Variants in BCL7A observed in about 807,000 individuals in gnomAD.
BCL7A encodes B-cell CLL/lymphoma 7 protein family member A.
In BCL7A, 11 loss-of-function variants were observed where a neutral mutation model predicts 28.4. That is an observed-to-expected ratio of 0.39 (90% CI 0.24 to 0.64). The LOEUF (loss-of-function observed/expected upper bound fraction) is 0.64. BCL7A is among the 30% of genes least tolerant of loss of function. The pLI, the probability that BCL7A is intolerant of heterozygous loss-of-function variation, is 0.50. For missense variants in BCL7A, 222 were observed against 274.8 expected, an observed-to-expected ratio of 0.81 and a Z score of 1.36; for synonymous variants, 123 against 103.3, an observed-to-expected ratio of 1.19 and a Z score of -1.15.
rs894215728 is a variant in BCL7A at position 122,043,880 on chromosome 12, C to G, written c.272-6C>G. Reference sequence around the variant, plus strand: ...CATCCTGTGGTTCTGTTCCCACCCCCTACAGACGATAACAGCAACCAGAGC... The same window carrying G: ...CATCCTGTGGTTCTGTTCCCACCCCGTACAGACGATAACAGCAACCAGAGC... On this transcript the variant is annotated splice_polypyrimidine_tract_variant and splice_region_variant and intron_variant, in intron 3 of 5. Transcript: ENST00000261822. 2.5e-6 allele frequency: 4 copies of G among 1,610,564 alleles called. No individual in the cohort carries two copies. Among genetic ancestry groups the G allele is most frequent in the Middle Eastern group, 1.7e-4 (1 of 6,050 alleles).
At chr12:122,036,197 T>A (rs1453943134) in intron 3 of BCL7A, among the ~76,000 whole-genome samples, 1 of 152,084 alleles carries the variant, frequency 6.6e-6, no homozygotes, top group Non-Finnish European at 1.5e-5. Context: ...GAACTGCCCT[T>A]CCACGTCTAC....
intron 5 of BCL7A, 114 bp downstream of exon 5, chr12:122,055,040 C>A: frequency 6.3e-7 from 1 of 1,583,354 alleles, no homozygotes; most frequent in Non-Finnish European, 8.6e-7. Flanking sequence ...GTCGTTGGAC[C>A]ATTGGAACTG....
chr12:122,022,486 G>C (rs1883486886), intron 1 of BCL7A, among the ~76,000 whole-genome samples: 1 of 145,492 alleles, frequency 6.9e-6, no homozygotes, highest in Admixed American at 6.8e-5. Context: ...CCGCCGCGGC[G>C]CTCGGCTCCC....
chr12:122,025,138 G>A (rs1883588765), intron 1 of BCL7A, among the ~76,000 whole-genome samples: 1 of 152,086 alleles, frequency 6.6e-6, no homozygotes. Flanking sequence ...AGGGTTTGGG[G>A]GCCCTGTGCT....
intron 4 of BCL7A, among the ~76,000 whole-genome samples, chr12:122,053,557 T>TA (rs1438705345): frequency 6.6e-6 from 1 of 152,198 alleles, no homozygotes; most frequent in African/African-American, 2.4e-5. Context: ...GTGTGCTTTT[T>TA]AACATCAGGG....
At chr12:122,024,614 G>A (rs866444930) in intron 1 of BCL7A, among the ~76,000 whole-genome samples, 1 of 152,142 alleles carries the variant, frequency 6.6e-6, no homozygotes, top group Non-Finnish European at 1.5e-5. Flanking sequence ...TATTAATTGT[G>A]TGGTCACCAA....
chr12:122,029,177 C>T lies in BCL7A; in HGVS notation c.93-1523C>T, dbSNP rs79437689. On this transcript the variant is annotated intron_variant, in intron 1 of 5. Coordinates refer to ENST00000261822, the MANE Select transcript of BCL7A (RefSeq NM_001024808.3). This position sits in a 1 kb window ranked among gnomAD's most constrained non-coding sequence, Gnocchi z 4.3. Reference sequence around the variant, plus strand: ...AAATGGGGAAGTTGCCATTTCCTGCCGGATGAGCCGGCACAGTCCTTGGTA... The same window carrying T: ...AAATGGGGAAGTTGCCATTTCCTGCTGGATGAGCCGGCACAGTCCTTGGTA... Among the ~76,000 whole-genome samples, 1,999 of 152,190 alleles carry T rather than the reference C, an allele frequency of 0.013. 46 individuals carry two copies. Among genetic ancestry groups the T allele is most frequent in the African/African-American group, 0.045 (1,882 of 41,506 alleles).
chr12:122,022,113 G>A lies in BCL7A; in HGVS notation c.22G>A (p.Ala8Thr). 6.3e-7 allele frequency: 1 copy of A among 1,583,230 alleles called. No individual in the cohort carries two copies. The highest frequency in any genetic ancestry group is 1.7e-5 in the Admixed American group (1 of 58,424). ...AACCATGTCGGGCAGGTCGGTTCGA[G>A]CCGAGACGAGGAGCCGGGCCAAAGA... MSGRSVR[A>T]ETRSRAKDDI... The change falls in exon 1 of 6, where the codon GCC becomes ACC. Residue 8 changes from alanine (A) to threonine (T), a missense_variant. This residue lies in a region of BCL7A where 67 missense variants were observed against 129.1 expected (regional missense o/e 0.52). Transcript: ENST00000261822.
rs768322076 is a variant in BCL7A, at chr12:122,030,763, G to A, written c.156G>A (p.Thr52=). 2 of 1,614,062 alleles carry A rather than the reference G, an allele frequency of 1.2e-6. No individual in the cohort carries two copies. Among genetic ancestry groups the A allele is most frequent in the Non-Finnish European group, 1.7e-6 (2 of 1,179,932 alleles). The change falls in exon 2 of 6, where the codon ACG becomes ACA. Residue 52 remains threonine (T), a synonymous_variant. Transcript: ENST00000261822. The part of the protein sequence containing the change: ...SLRIYKWVPV[T]EPKVDDKNKN... ...GAATCTACAAATGGGTCCCTGTGACGGAGCCCAAGGTTGATGACGTGAGTA... is the reference window on the plus strand; with the variant it reads ...GAATCTACAAATGGGTCCCTGTGACAGAGCCCAAGGTTGATGACGTGAGTA...
At chr12:122,036,798 C>T (rs1883865940) in intron 3 of BCL7A, among the ~76,000 whole-genome samples, 2 of 152,056 alleles carry the variant, frequency 1.3e-5, no homozygotes, top group Admixed American at 1.3e-4. Context: ...ACCTCCGCCT[C>T]CTGGGTTCAA....
intron 1 of BCL7A, among the ~76,000 whole-genome samples, chr12:122,022,615 T>A (rs1593019383): frequency 1.4e-5 from 2 of 143,876 alleles, no homozygotes; most frequent in East Asian, 2.1e-4. Context: ...GCGAGCTCCA[T>A]TGTGCAGGCT....
At chr12:122,049,759 G>T (rs1884153358) in intron 4 of BCL7A, among the ~76,000 whole-genome samples, 2 of 152,072 alleles carry the variant, frequency 1.3e-5, no homozygotes, top group South Asian at 4.1e-4. Context: ...CAGTCCTGCG[G>T]GGGGTCTGGT....
chr12:122,045,729 T>G (rs1884062609), intron 4 of BCL7A, among the ~76,000 whole-genome samples: 1 of 152,092 alleles, frequency 6.6e-6, no homozygotes, highest in Non-Finnish European at 1.5e-5. Context: ...TGGGACCATT[T>G]GAAAGTAAGT....
At chr12:122,046,931 T>C (rs1264554596) in intron 4 of BCL7A, among the ~76,000 whole-genome samples, 1 of 149,740 alleles carries the variant, frequency 6.7e-6, no homozygotes, top group Non-Finnish European at 1.5e-5. Context: ...CCAGACGGAG[T>C]CTTGCTCTGT....
chr12:122,051,632 G>A (rs946392163), intron 4 of BCL7A, among the ~76,000 whole-genome samples: 1 of 152,054 alleles, frequency 6.6e-6, no homozygotes, highest in Non-Finnish European at 1.5e-5. Context: ...TGCCCAGCAC[G>A]GGTCAGCGTG....
At chr12:122,037,619 C>G (rs577556799) in intron 3 of BCL7A, among the ~76,000 whole-genome samples, 4 of 151,458 alleles carry the variant, frequency 2.6e-5, no homozygotes, top group African/African-American at 9.7e-5. Context: ...AGTTCGAGAC[C>G]AGCCTGGCCA....
chr12:122,022,108 T>A lies in BCL7A; in HGVS notation c.17T>A (p.Val6Asp). MSGRSVRAETRSRAKD... is the reference protein window; with the variant it reads MSGRSDRAETRSRAKD... ...GCCGGAACCATGTCGGGCAGGTCGG[T>A]TCGAGCCGAGACGAGGAGCCGGGCC... The change falls in exon 1 of 6, where the codon GTT becomes GAT. Residue 6 changes from valine (V) to aspartate (D), a missense_variant. Transcript: ENST00000261822. 1 of 1,572,576 alleles carries A rather than the reference T, an allele frequency of 6.4e-7. No individual in the cohort carries two copies. Among genetic ancestry groups the A allele is most frequent in the Non-Finnish European group, 8.6e-7 (1 of 1,159,130 alleles).
At chr12:122,045,680 A>G (rs1205686249) in intron 4 of BCL7A, among the ~76,000 whole-genome samples, 4 of 152,188 alleles carry the variant, frequency 2.6e-5, no homozygotes, top group African/African-American at 4.8e-5. Flanking sequence ...GAACTTGGCA[A>G]TTGTTGGCTT....
intron 2 of BCL7A, among the ~76,000 whole-genome samples, chr12:122,032,622 C>A (rs1883768096): frequency 6.6e-6 from 1 of 152,188 alleles, no homozygotes; most frequent in Admixed American, 6.5e-5. Flanking sequence ...GCAGACAGAC[C>A]AGCCCCGATT....
Sources: gnomAD v4.1 joint callset for allele counts (sites outside exome capture counted in the v4.1 genomes callset) on GRCh38, gnomAD v4.1.1 for gene constraint, gnomAD v4.1.1 regional missense constraint, Gnocchi (gnomAD v3.1) non-coding constraint, MANE v1.5 for transcripts, NCBI Gene and HGNC (gene_info 2026-07-23, HGNC 2026-07-21) for gene names.